The following TULP1 variants were observed in gnomAD, a reference collection of about 807,000 sequenced individuals.
TULP1 encodes TUB like protein 1, also known as tubby-related protein 1.
Under a neutral mutation model 67.1 loss-of-function variants are expected in TULP1, and 50 were observed. That is an observed-to-expected ratio of 0.75 (90% CI 0.59 to 0.94). TULP1 has a LOEUF of 0.94. TULP1 is among the 40% of genes least tolerant of loss of function. The pLI is 0.00. For missense variants in TULP1, 746 were observed against 734.1 expected, an observed-to-expected ratio of 1.02 and a Z score of -0.19; for synonymous variants, 297 against 294.0, an observed-to-expected ratio of 1.01 and a Z score of -0.11.
Position 35,498,321 on chromosome 6 carries a change from C to T in TULP1, c.*6G>A, listed in dbSNP as rs1456811027. On this transcript the variant is annotated 3_prime_UTR_variant, in exon 15 of 15. Coordinates refer to ENST00000229771, the MANE Select transcript of TULP1 (RefSeq NM_003322.6). The surrounding 1 kb of genome is among the most constrained non-coding windows in gnomAD (Gnocchi z 6.7). ...GGGCTCTGGGGGCGCTGAGGGGCTG[C>T]TGGGGTCACTCGCAGGCCAGCTTCC... is the stretch of plus-strand genomic sequence containing the variant. 6 of 1,612,022 alleles carry T rather than the reference C, an allele frequency of 3.7e-6. No individual in the cohort carries two copies. The highest frequency in any genetic ancestry group is 1.3e-5 in the African/African-American group (1 of 75,022).
chr6:35,501,277 C>T lies in TULP1; in HGVS notation c.1324-1125G>A, dbSNP rs150539957. Among the ~76,000 whole-genome samples the T allele has an allele frequency of 2.4e-3, 362 of 152,050 alleles. 2 individuals are homozygous for T. Among genetic ancestry groups the T allele is most frequent in the Non-Finnish European group, 3.1e-3 (212 of 67,980 alleles). ...ATCCCAACACTTTGAGAAGCCGAGA[C>T]GAGAGGATCACTTCAGGAATTTAAG... On this transcript the variant is annotated intron_variant, in intron 13 of 14. Transcript: ENST00000229771.
In TULP1 at chr6:35,506,730, G is replaced by C. The variant is rs537991073; in HGVS notation, c.823-451C>G. Among the ~76,000 whole-genome samples the C allele has an allele frequency of 9.9e-5, 15 of 152,276 alleles. No individual in the cohort carries two copies. In the South Asian group the frequency reaches 2.9e-3, roughly 29 times the overall value. On this transcript the variant is annotated intron_variant, in intron 8 of 14. Transcript: ENST00000229771. The stretch of plus-strand genomic sequence containing the variant: ...GTATAGATGAAGAAACTGAGGCTTA[G>C]AGAAGTTAAGTCACTTGCCCAAGTT...
chr6:35,498,054 G>A lies in TULP1; in HGVS notation c.*273C>T, dbSNP rs1768737907. 3 of 572,632 alleles carry A rather than the reference G, an allele frequency of 5.2e-6. No individual in the cohort carries two copies. The highest frequency in any genetic ancestry group is 4.8e-5 in the African/African-American group (2 of 42,094). The allele number at this position is 572,632 out of a possible 1,614,324, so 35.5% of individuals were successfully genotyped here. ...GGAAGTGACTGGGGCGCGGGGAGGA[G>A]GGGGGCACAGCGGCGCAGGCGAGCT... On this transcript the variant is annotated 3_prime_UTR_variant, in exon 15 of 15. Coordinates refer to ENST00000229771, the MANE Select transcript of TULP1 (RefSeq NM_003322.6). The surrounding 1 kb of genome is among the most constrained non-coding windows in gnomAD (Gnocchi z 6.7).
In TULP1 at chr6:35,511,680, A is replaced by C; in HGVS notation, c.317T>G (p.Phe106Cys). ...CGCGTCTGGGGCACGGGCTACCAGA[A>C]AGGTTTCCCGGGGGTCGCGCTTCTT... The part of the protein sequence containing the change: ...EAKKRDPRET[F>C]LVARAPDAED... The change falls in exon 4 of 15, where the codon TTT (phenylalanine) becomes TGT (cysteine). Residue 106 changes from phenylalanine (F) to cysteine (C), a missense_variant. Physicochemically the swap from Phe to Cys is radical, Grantham distance 205. This residue lies in a region of TULP1 where 359 missense variants were observed against 341.9 expected (regional missense o/e 1.05). Transcript: ENST00000229771. 1.9e-6 allele frequency: 3 copies of C among 1,596,080 alleles called. No homozygotes were observed. Among genetic ancestry groups the C allele is most frequent in the Non-Finnish European group, 1.7e-6 (2 of 1,171,190 alleles).
Position 35,511,720 on chromosome 6 carries a change from T to C in TULP1, c.277A>G (p.Arg93Gly). Reference protein sequence around the residue: ...APQTVYARFLRDPEAKKRDPR... With the variant: ...APQTVYARFLGDPEAKKRDPR... ...TCGCGCTTCTTGGCCTCGGGGTCCCTGAGGAACCTGGCGTAGACCGTCTGC... is the reference window on the plus strand; with the variant it reads ...TCGCGCTTCTTGGCCTCGGGGTCCCCGAGGAACCTGGCGTAGACCGTCTGC... Residue 93 changes from arginine to glycine, a missense_variant, in exon 4 of 15, where the codon AGG becomes GGG. Physicochemically the swap from Arg to Gly is moderately radical, Grantham distance 125 (BLOSUM62 -2). This residue lies in a region of TULP1 where 359 missense variants were observed against 341.9 expected (regional missense o/e 1.05). Transcript: ENST00000229771. 1 of 1,592,516 alleles carries C rather than the reference T, an allele frequency of 6.3e-7. No homozygotes were observed.
At position 35,506,161 on chromosome 6, in the gene TULP1, C is replaced by T; in HGVS notation, c.841G>A (p.Ala281Thr). 1.2e-6 allele frequency: 2 copies of T among 1,613,550 alleles called. No homozygotes were observed. The highest frequency in any genetic ancestry group is 1.7e-6 in the Non-Finnish European group (2 of 1,179,864). Residue 281 changes from alanine to threonine, a missense_variant, in exon 10 of 15, where the codon GCC becomes ACC. Physicochemically the swap from Ala to Thr is moderately conservative, Grantham distance 58 (BLOSUM62 0). Transcript: ENST00000229771. ...TCCACCTCCACGGGGGGAGACGGGGCCCTCTCCTCCTTCTGGGTGGGGGCA... is the reference window on the plus strand; with the variant it reads ...TCCACCTCCACGGGGGGAGACGGGGTCCTCTCCTCCTTCTGGGTGGGGGCA... ...KGKKKAKEER[A>T]PSPPVEVDEP...
intron 4 of TULP1, 121 bp downstream of exon 4, chr6:35,511,527 A>G: frequency 2.7e-6 from 4 of 1,472,988 alleles, no homozygotes; most frequent in African/African-American, 1.4e-5. Context: ...ATAAGGCCAG[A>G]AAAGTGGGGG....
chr6:35,512,120 A>T, intron 3 of TULP1, 60 bp downstream of exon 3: 2 of 1,141,406 alleles, frequency 1.8e-6, no homozygotes, highest in Non-Finnish European at 2.3e-6. Context: ...CCGGCCCTCA[A>T]GCCCCTCCCT....
At chr6:35,511,505 C>G in intron 4 of TULP1, 143 bp downstream of exon 4, 8 of 1,301,436 alleles carry the variant, frequency 6.1e-6, no homozygotes, top group Non-Finnish European at 8.6e-6. Flanking sequence ...TAGCACAATA[C>G]CTGGCTCAAA....
intron 3 of TULP1, 127 bp downstream of exon 3, chr6:35,512,053 T>A: frequency 3.5e-6 from 1 of 288,690 alleles, no homozygotes; most frequent in Non-Finnish European, 5.5e-6. Context: ...CCCTCCCCTC[T>A]CATCACTCCC....
At position 35,511,733 on chromosome 6, in the gene TULP1, G is replaced by A. The variant is rs1163750703; in HGVS notation, c.264C>T (p.Tyr88=). 14 of 1,590,410 alleles carry A rather than the reference G, an allele frequency of 8.8e-6. No individual in the cohort carries two copies. Among genetic ancestry groups the A allele is most frequent in the South Asian group, 2.3e-5 (2 of 87,270 alleles). ...PAQARAPQTV[Y]ARFLRDPEAK... is the part of the protein sequence containing the mutation. ...CCTCGGGGTCCCTGAGGAACCTGGCGTAGACCGTCTGCGGCGCCCGGGCCT... is the reference window on the plus strand; with the variant it reads ...CCTCGGGGTCCCTGAGGAACCTGGCATAGACCGTCTGCGGCGCCCGGGCCT... Residue 88 remains tyrosine, a synonymous_variant, in exon 4 of 15, where the codon TAC becomes TAT. Transcript: ENST00000229771.
At chr6:35,504,336 C>A (rs1365477874) in intron 11 of TULP1, among the ~76,000 whole-genome samples, 1 of 151,912 alleles carries the variant, frequency 6.6e-6, no homozygotes, top group Admixed American at 6.6e-5. Context: ...CAGAGTAAGA[C>A]CCAGTCTCCA....
chr6:35,511,049 G>T (rs746592918), intron 4 of TULP1, 39 bp from the exon 5 acceptor site: 7 of 1,599,436 alleles, frequency 4.4e-6, no homozygotes, highest in South Asian at 1.1e-5. Flanking sequence ...GTTTGAGCCG[G>T]GCCCTCCTTA....
At position 35,503,454 on chromosome 6, in the gene TULP1, T is replaced by C; in HGVS notation, c.1323+105A>G. 1 of 1,164,012 alleles carries C rather than the reference T, an allele frequency of 8.6e-7. No homozygotes were observed. Among genetic ancestry groups the C allele is most frequent in the Non-Finnish European group, 1.2e-6 (1 of 805,036 alleles). 72.1% of individuals were successfully genotyped at this position (1,164,012 alleles called of 1,614,324 possible). On this transcript the variant is annotated intron_variant, in intron 13 of 14. Transcript: ENST00000229771. The surrounding 1 kb of genome is among the most constrained non-coding windows in gnomAD (Gnocchi z 4.0). ...CCTAGGTGGCCAGAATGAATTTGTG[T>C]TGGAGGGTGATGGATGTGCTCAGGG...
At chr6:35,505,703 G>A (rs1761065159) in intron 11 of TULP1, 38 bp downstream of exon 11, 1 of 1,611,534 alleles carries the variant, frequency 6.2e-7, no homozygotes, top group Non-Finnish European at 8.5e-7. Flanking sequence ...GCCTTTTGCT[G>A]ACCCAAGTCC....
chr6:35,506,271 C>A lies in TULP1; in HGVS notation c.828+3G>T. 6.3e-7 allele frequency: 1 copy of A among 1,585,084 alleles called. No individual in the cohort carries two copies. The highest frequency in any genetic ancestry group is 8.6e-7 in the Non-Finnish European group (1 of 1,165,708). On this transcript the variant is annotated splice_donor_region_variant and intron_variant, in intron 9 of 14. Transcript: ENST00000229771. ...ACACGGGCAGCCCGGCAGGACAACT[C>A]ACCGCTTTCTGTGTGCGGAGAGAAC...
chr6:35,511,526 G>A, intron 4 of TULP1, 122 bp downstream of exon 4: 2 of 1,471,452 alleles, frequency 1.4e-6, no homozygotes, highest in Non-Finnish European at 1.9e-6. Context: ...GATAAGGCCA[G>A]AAAAGTGGGG....
Position 35,509,704 on chromosome 6 carries a change from C to G in TULP1, c.648G>C (p.Ala216=). The change falls in exon 7 of 15, where the codon GCG becomes GCC. Residue 216 remains alanine (A), a synonymous_variant. Coordinates refer to ENST00000229771, the MANE Select transcript of TULP1 (RefSeq NM_003322.6). The part of the protein sequence containing the change: ...DKDPSGSPAS[A]RKSPAAMFLV... ...GAAACATGGCTGCTGGGCTCTTCCT[C>G]GCACTGGCTGGGCTCCCTGAGGGGT... The G allele has an allele frequency of 6.2e-7, 1 of 1,614,098 alleles. No individual in the cohort carries two copies. The highest frequency in any genetic ancestry group is 8.5e-7 in the Non-Finnish European group (1 of 1,180,022).
At position 35,511,022 on chromosome 6, in the gene TULP1, A is replaced by G; in HGVS notation, c.350-12T>C. 2 of 1,602,916 alleles carry G rather than the reference A, an allele frequency of 1.2e-6. No individual in the cohort carries two copies. Among genetic ancestry groups the G allele is most frequent in the Non-Finnish European group, 1.7e-6 (2 of 1,179,954 alleles). ...TTCCTCCTCCTCCTCTGCAGGTAGAAACTCTTCATAATGGGGGTTTGAGCC... is the reference window on the plus strand; with the variant it reads ...TTCCTCCTCCTCCTCTGCAGGTAGAGACTCTTCATAATGGGGGTTTGAGCC... On this transcript the variant is annotated splice_polypyrimidine_tract_variant and intron_variant, in intron 4 of 14. Transcript: ENST00000229771.
Sources: allele counts gnomAD v4.1 joint callset (sites outside exome capture counted in the v4.1 genomes callset), GRCh38; gene constraint gnomAD v4.1.1; regional missense constraint gnomAD v4.1.1; non-coding constraint Gnocchi (gnomAD v3.1); transcripts MANE v1.5; gene names NCBI Gene and HGNC (gene_info 2026-07-23, HGNC 2026-07-21).